The following REXO4 variants were observed in gnomAD, a reference collection of about 807,000 sequenced individuals.
REXO4 encodes RNA exonuclease 4, also known as REX4 homolog, 3'-5' exonuclease.
A neutral mutation model predicts 39.9 loss-of-function variants in REXO4; 29 were observed. That is an observed-to-expected ratio of 0.73 (90% confidence interval 0.54 to 0.99). REXO4 has a LOEUF of 0.99. REXO4 is among the 50% of genes least tolerant of loss of function. The pLI is 0.00. For synonymous variants in REXO4, 184 were observed against 206.2 expected, an observed-to-expected ratio of 0.89 and a Z score of 0.92; for missense variants, 524 against 546.5, an observed-to-expected ratio of 0.96 and a Z score of 0.41.
chr9:133,410,068 A>G (rs4962145), intron 5 of REXO4, among the ~76,000 whole-genome samples: 16,200 of 152,216 alleles, frequency 0.11, 1,100 homozygotes, highest in African/African-American at 0.19. Context: ...GAACACCTCC[A>G]GCATCTTCAA....
rs1206040949 is a variant in REXO4 at position 133,408,932 on chromosome 9, CTTTGTGTGTGTGTGTG to C, written c.1000-106_1000-91del. The C allele has an allele frequency of 3.8e-3, 1,533 of 406,108 alleles. 53 individuals carry two copies. The highest frequency in any genetic ancestry group is 4.4e-3 in the Non-Finnish European group (978 of 224,722). 25.2% of individuals were successfully genotyped at this position (406,108 alleles called of 1,614,324 possible). On this transcript the variant is annotated intron_variant, in intron 5 of 7. Coordinates refer to ENST00000371942, the MANE Select transcript of REXO4 (RefSeq NM_020385.4). ...CCCCGCCACCTTTTGCAAGTAACAT[CTTTGTGTGTGTGTGTG>C]TGTGTGTGTGTGTGTGTGTGTGTGT... is the stretch of plus-strand genomic sequence containing the variant.
intron 1 of REXO4, among the ~76,000 whole-genome samples, chr9:133,416,765 T>C (rs1839640344): frequency 6.6e-6 from 1 of 152,220 alleles, no homozygotes; most frequent in African/African-American, 2.4e-5. Flanking sequence ...CTATTTAAAC[T>C]TTTCCAGCCT....
At chr9:133,411,175 A>C in intron 4 of REXO4, 102 bp from the exon 5 acceptor site, 8 of 938,438 alleles carry the variant, frequency 8.5e-6, no homozygotes, top group South Asian at 6.8e-5. Flanking sequence ...CCTAAGACAA[A>C]TGGTCAGGCC....
Position 133,414,750 on chromosome 9 carries a change from T to C in REXO4, c.487A>G (p.Thr163Ala), listed in dbSNP as rs1554781148. ...EHNKKGTKER[T>A]NGDIVPERGD... Reference sequence around the variant, plus strand: ...CGTTCTGGAACAATATCACCATTTGTCCTTTCCTTGGTTCCTTTCTTATTG... The same window carrying C: ...CGTTCTGGAACAATATCACCATTTGCCCTTTCCTTGGTTCCTTTCTTATTG... The change falls in exon 2 of 8, where the codon ACA (threonine) becomes GCA (alanine). Residue 163 changes from threonine to alanine, a missense_variant. Thr to Ala is a moderately conservative substitution (Grantham distance 58). Coordinates refer to ENST00000371942, the MANE Select transcript of REXO4 (RefSeq NM_020385.4). The C allele has an allele frequency of 6.2e-7, 1 of 1,614,162 alleles. No homozygotes were observed. Among genetic ancestry groups the C allele is most frequent in the Admixed American group, 1.7e-5 (1 of 60,024 alleles).
chr9:133,411,096 C>T (rs368963737), intron 4 of REXO4, 23 bp from the exon 5 acceptor site: 510 of 1,602,184 alleles, frequency 3.2e-4, no homozygotes, highest in Non-Finnish European at 4.0e-4. Flanking sequence ...CACAAAGAAG[C>T]GGTTTTTTGC....
chr9:133,407,922 C>T (rs376326977), intron 6 of REXO4, 41 bp from the exon 7 acceptor site: 748 of 1,537,612 alleles, frequency 4.9e-4, no homozygotes, highest in Non-Finnish European at 6.1e-4. Context: ...TCTGCAGGCT[C>T]GGCCCAAAGA....
intron 3 of REXO4, 91 bp downstream of exon 3, chr9:133,412,687 C>A: frequency 6.5e-7 from 1 of 1,543,378 alleles, no homozygotes; most frequent in Admixed American, 1.7e-5. Context: ...TCATTCACCT[C>A]AGGGAGAGGA....
intron 5 of REXO4, among the ~76,000 whole-genome samples, chr9:133,410,543 C>G (rs587678745): frequency 1.3e-5 from 2 of 152,334 alleles, no homozygotes; most frequent in African/African-American, 4.8e-5. Flanking sequence ...GGATTTTCCT[C>G]GGGACGCCAG....
chr9:133,409,203 G>A (rs1031430875), intron 5 of REXO4, among the ~76,000 whole-genome samples: 5 of 152,170 alleles, frequency 3.3e-5, no homozygotes, highest in East Asian at 3.9e-4. Context: ...CTGACCTCAG[G>A]TGATCCACCC....
At chr9:133,417,288 A>T (rs902354837) in intron 1 of REXO4, among the ~76,000 whole-genome samples, 1 of 152,236 alleles carries the variant, frequency 6.6e-6, no homozygotes, top group African/African-American at 2.4e-5. Context: ...AAGTGCTGGG[A>T]TCACAGGCGT....
chr9:133,409,226 C>CA (rs1235660409), intron 5 of REXO4, among the ~76,000 whole-genome samples: 1 of 152,110 alleles, frequency 6.6e-6, no homozygotes, highest in Non-Finnish European at 1.5e-5. Context: ...CTCGGCCTCC[C>CA]AAAGTGCTGG....
rs1839743108 is a variant in REXO4, at chr9:133,417,664, T to G, written c.181A>C (p.Lys61Gln). The change falls in exon 1 of 8, where the codon AAG (lysine) becomes CAG (glutamine). Residue 61 changes from lysine (K) to glutamine (Q), a missense_variant. By Grantham distance (53) the Lys-to-Gln change is moderately conservative. Transcript: ENST00000371942. ...TTTTGAGAAAAGTCTTCTGGTGCCT[T>G]TGGAGGTCGCACCACAGCACCGGGG... is the stretch of plus-strand genomic sequence containing the variant. ...SGPGAVVRPP[K>Q]APEDFSQNWK... 1 of 1,613,970 alleles carries G rather than the reference T, an allele frequency of 6.2e-7. No individual in the cohort carries two copies. The highest frequency in any genetic ancestry group is 1.7e-5 in the Admixed American group (1 of 60,008).
At chr9:133,418,125 G>C, upstream of REXO4, 1 of 482,976 alleles carries the variant, frequency 2.1e-6, no homozygotes, top group Non-Finnish European at 3.7e-6. Flanking sequence ...CACGGGACTT[G>C]GGCCGCCGCC....
At chr9:133,417,149 C>G (rs1554781785) in intron 1 of REXO4, among the ~76,000 whole-genome samples, 2 of 152,262 alleles carry the variant, frequency 1.3e-5, no homozygotes, top group Admixed American at 1.3e-4. Context: ...GTAGCTGCGA[C>G]TACCGGCGCG....
At chr9:133,407,428 C>T (rs1838950960) in intron 7 of REXO4, among the ~76,000 whole-genome samples, 1 of 152,098 alleles carries the variant, frequency 6.6e-6, no homozygotes, top group African/African-American at 2.4e-5. Flanking sequence ...GCAAAAAGGG[C>T]CCAAAGCACT....
rs147669057 is a variant in REXO4 at position 133,409,966 on chromosome 9, G to A, written c.999+1019C>T. Reference sequence around the variant, plus strand: ...ACGAGTCCCCACGGCAGCAGTCTCTGAGGGGGTACAGCAGGAGCACACAGA... The same window carrying A: ...ACGAGTCCCCACGGCAGCAGTCTCTAAGGGGGTACAGCAGGAGCACACAGA... On this transcript the variant is annotated intron_variant, in intron 5 of 7. Coordinates refer to ENST00000371942, the MANE Select transcript of REXO4 (RefSeq NM_020385.4). 2.2e-3 allele frequency among the ~76,000 whole-genome samples: 333 copies of A among 152,348 alleles called. 2 individuals carry two copies. Among genetic ancestry groups the A allele is most frequent in the African/African-American group, 7.4e-3 (309 of 41,576 alleles).
chr9:133,409,096 G>A (rs1839083176), intron 5 of REXO4, among the ~76,000 whole-genome samples: 1 of 151,998 alleles, frequency 6.6e-6, no homozygotes, highest in African/African-American at 2.4e-5. Context: ...CTCCCGAGTA[G>A]CTGGGATTAC....
intron 5 of REXO4, among the ~76,000 whole-genome samples, chr9:133,410,497 ACT>A (rs1420370600): frequency 6.6e-6 from 1 of 152,116 alleles, no homozygotes. Context: ...CTGAATTTGC[ACT>A]TTCCATCTGA....
At position 133,417,700 on chromosome 9, in the gene REXO4, G is replaced by A; in HGVS notation, c.145C>T (p.Pro49Ser). 6.2e-7 allele frequency: 1 copy of A among 1,614,118 alleles called. No individual in the cohort carries two copies. The highest frequency in any genetic ancestry group is 1.7e-4 in the Middle Eastern group (1 of 6,052). The change falls in exon 1 of 8, where the codon CCA becomes TCA. Residue 49 changes from proline (P) to serine (S), a missense_variant. Coordinates refer to ENST00000371942, the MANE Select transcript of REXO4 (RefSeq NM_020385.4). ...KSKAREVSKKPASGPGAVVRP... is the reference protein window; with the variant it reads ...KSKAREVSKKSASGPGAVVRP... ...ACCACAGCACCGGGGCCGCTTGCTG[G>A]CTTCTTGCTTACTTCCCGCGCCTTG...
Sources: gnomAD v4.1 joint callset for allele counts (sites outside exome capture counted in the v4.1 genomes callset) on GRCh38, gnomAD v4.1.1 for gene constraint, MANE v1.5 for transcripts, NCBI Gene and HGNC (gene_info 2026-07-23, HGNC 2026-07-21) for gene names.